SUMF1: variants seen among roughly 807,000 people sequenced by gnomAD.
SUMF1 encodes the protein sulfatase modifying factor 1.
Under a neutral mutation model 47.6 loss-of-function variants are expected in SUMF1, and 48 were observed. The observed-to-expected ratio is 1.01, with a 90% CI of 0.80 to 1.28. The LOEUF (loss-of-function observed/expected upper bound fraction) is 1.28, where lower values mean the gene tolerates loss of function less well. Ranked by LOEUF, SUMF1 falls within the 50% of genes most tolerant of loss-of-function variation. The probability of loss-of-function intolerance (pLI) is 0.00; values close to 1 mark genes in which losing one functional copy is unlikely to be tolerated. For synonymous variants in SUMF1, 230 were observed against 192.1 expected (o/e 1.20, Z -1.63); for missense variants, 571 against 485.4 (o/e 1.18, Z -1.66).
intron 8 of SUMF1, among the ~76,000 whole-genome samples, chr3:4,164,420 T>G (rs1050094346): frequency 3.9e-5 from 6 of 152,192 alleles, no homozygotes; most frequent in African/African-American, 1.4e-4. Flanking sequence ...GATCATCCGG[T>G]TGGGGGCTTC....
intron 9 of SUMF1, among the ~76,000 whole-genome samples, chr3:4,042,514 C>T (rs1694926587): frequency 6.6e-6 from 1 of 152,114 alleles, no homozygotes; most frequent in Non-Finnish European, 1.5e-5. Context: ...GGACATCTGC[C>T]CAGCAATTGC....
At chr3:4,401,086 T>TA (rs1404719199) in intron 7 of SUMF1, among the ~76,000 whole-genome samples, 3 of 151,434 alleles carry the variant, frequency 2.0e-5, no homozygotes, top group African/African-American at 7.3e-5. Flanking sequence ...GTCCTTGTGA[T>TA]AGTTTGCTAA....
chr3:4,166,771 A>G (rs528658585), intron 8 of SUMF1, among the ~76,000 whole-genome samples: 72 of 152,136 alleles, frequency 4.7e-4, no homozygotes, highest in Middle Eastern at 6.8e-3. Context: ...TTTTTTCGGG[A>G]CCCGAGAGCT....
intron 8 of SUMF1, chr3:4,303,756 C>T: frequency 6.8e-7 from 1 of 1,475,538 alleles, no homozygotes; most frequent in Non-Finnish European, 9.1e-7. Context: ...CCCTGAAGCG[C>T]AGAACCGGAG....
chr3:4,124,441 C>G lies in SUMF1; in HGVS notation c.1015-55696G>C, dbSNP rs1174162170. Among the ~76,000 whole-genome samples, 5 of 152,152 alleles carry G rather than the reference C, an allele frequency of 3.3e-5. No individual in the cohort carries two copies. The East Asian group carries it at 9.7e-4, about 29-fold the overall frequency. ...CTTATTAGTCAGACTTCGTTTCCTC[C>G]CTTTGCAAATGTAAAATTTTAATTG... is the stretch of plus-strand genomic sequence containing the variant. On this transcript the variant is annotated intron_variant and NMD_transcript_variant, in intron 8 of 12. Coordinates refer to the SUMF1 transcript ENST00000448413.
intron 7 of SUMF1, among the ~76,000 whole-genome samples, chr3:4,380,553 A>G (rs1204702215): frequency 6.6e-6 from 1 of 152,162 alleles, no homozygotes; most frequent in Admixed American, 6.5e-5. Flanking sequence ...ACAAACCTGC[A>G]CATCCATCCT....
intron 3 of SUMF1, among the ~76,000 whole-genome samples, chr3:4,431,716 G>A (rs888484514): frequency 6.6e-6 from 1 of 152,202 alleles, no homozygotes; most frequent in Non-Finnish European, 1.5e-5. Flanking sequence ...AAATGGTGGT[G>A]AGGCCAAGCT....
intron 8 of SUMF1, among the ~76,000 whole-genome samples, chr3:4,344,362 G>A (rs906022828): frequency 2.0e-5 from 3 of 152,168 alleles, no homozygotes; most frequent in African/African-American, 7.2e-5. Flanking sequence ...CTCCTTGAGT[G>A]ACATCTCCAG....
chr3:4,128,229 G>A (rs1320740153), intron 8 of SUMF1, among the ~76,000 whole-genome samples: 1 of 152,132 alleles, frequency 6.6e-6, no homozygotes, highest in East Asian at 1.9e-4. Flanking sequence ...GCGAGTGACT[G>A]ACCTGCAACA....
chr3:4,088,962 G>T (rs1692728110), intron 8 of SUMF1, among the ~76,000 whole-genome samples: 1 of 152,060 alleles, frequency 6.6e-6, no homozygotes, highest in South Asian at 2.1e-4. Flanking sequence ...GGATGAAAAA[G>T]AATAATTTAA....
chr3:4,390,419 A>G (rs1236274730), intron 7 of SUMF1, among the ~76,000 whole-genome samples: 3 of 152,156 alleles, frequency 2.0e-5, no homozygotes, highest in African/African-American at 7.2e-5. Context: ...GTTTAGAAAG[A>G]GTAGAGTGGT....
chr3:4,381,817 G>T (rs1406699339), intron 7 of SUMF1, among the ~76,000 whole-genome samples: 5 of 152,206 alleles, frequency 3.3e-5, no homozygotes, highest in Non-Finnish European at 1.5e-5. Flanking sequence ...GGCCAGTATG[G>T]GAAGATTGCT....
intron 8 of SUMF1, among the ~76,000 whole-genome samples, chr3:4,190,266 A>G (rs1695286780): frequency 1.3e-5 from 2 of 152,036 alleles, no homozygotes. Flanking sequence ...GCTCGTGAAA[A>G]CTATATTACA....
At chr3:4,236,094 T>C (rs1696402700) in intron 8 of SUMF1, among the ~76,000 whole-genome samples, 1 of 152,060 alleles carries the variant, frequency 6.6e-6, no homozygotes, top group African/African-American at 2.4e-5. Flanking sequence ...CAGGCATGCA[T>C]CACCACATCT....
At chr3:4,057,801 T>C (rs1275656638) in intron 9 of SUMF1, among the ~76,000 whole-genome samples, 5 of 152,110 alleles carry the variant, frequency 3.3e-5, no homozygotes, top group Admixed American at 1.3e-4. Context: ...GGGGATAGAT[T>C]ATTTTTAACA....
chr3:4,317,812 A>C (rs73809509), intron 8 of SUMF1, among the ~76,000 whole-genome samples: 2,008 of 152,296 alleles, frequency 0.013, 47 homozygotes, highest in African/African-American at 0.046. Flanking sequence ...ACACATGCAA[A>C]GGGGTTAGAG....
intron 1 of SUMF1, among the ~76,000 whole-genome samples, chr3:4,464,361 A>T (rs561622381): frequency 2.6e-5 from 4 of 151,568 alleles, no homozygotes; most frequent in Non-Finnish European, 5.9e-5. Context: ...TATCCCTCCT[A>T]TAGTATTCTC....
intron 8 of SUMF1, among the ~76,000 whole-genome samples, chr3:4,164,872 T>C (rs1559526711): frequency 6.6e-6 from 1 of 152,148 alleles, no homozygotes. Flanking sequence ...GGGAGTATAT[T>C]TTCCTAAGGC....
intron 4 of SUMF1, among the ~76,000 whole-genome samples, chr3:4,419,700 A>C (rs756735802): frequency 6.6e-5 from 10 of 152,164 alleles, no homozygotes; most frequent in Non-Finnish European, 1.3e-4. Context: ...ACTTATCCAT[A>C]AGACAGACGT....
Sources: allele counts gnomAD v4.1 joint callset (sites outside exome capture counted in the v4.1 genomes callset), GRCh38; gene constraint gnomAD v4.1.1; transcripts MANE v1.5; gene names NCBI Gene and HGNC (gene_info 2026-07-23, HGNC 2026-07-21).